Variants in FARP1 observed in about 807,000 individuals in gnomAD.
FARP1 encodes FERM, ARH/RhoGEF and pleckstrin domain protein 1, also known as FERM, ARHGEF and pleckstrin domain-containing protein 1.
A neutral mutation model predicts 128.8 loss-of-function variants in FARP1; 52 were observed. The observed-to-expected ratio is 0.40, with a 90% CI of 0.32 to 0.51. FARP1 has a LOEUF of 0.51. FARP1 is among the 20% of genes least tolerant of loss of function. The probability of loss-of-function intolerance (pLI) is 0.45; values close to 1 mark genes in which losing one functional copy is unlikely to be tolerated. For synonymous variants in FARP1, 580 were observed against 551.8 expected (o/e 1.05, Z -0.72); for missense variants, 1,333 against 1,367.9 (o/e 0.97, Z 0.40).
At chr13:98,393,342 C>T (rs145089100) in intron 11 of FARP1, among the ~76,000 whole-genome samples, 24 of 152,304 alleles carry the variant, frequency 1.6e-4, no homozygotes, top group Non-Finnish European at 3.1e-4. Context: ...TGTGACTTTC[C>T]CCTTAACTAG....
intron 2 of FARP1, among the ~76,000 whole-genome samples, chr13:98,303,964 C>G (rs939031196): frequency 1.3e-5 from 2 of 152,084 alleles, no homozygotes; most frequent in Admixed American, 1.3e-4. Context: ...GTTACTTGAC[C>G]GAAGTGGTGG....
At chr13:98,327,893 A>G (rs768284242) in intron 2 of FARP1, among the ~76,000 whole-genome samples, 1 of 152,070 alleles carries the variant, frequency 6.6e-6, no homozygotes, top group Non-Finnish European at 1.5e-5. Flanking sequence ...ATAAGACAAC[A>G]ATTTATGCTG....
rs767884832 is a variant in FARP1 at position 98,395,397 on chromosome 13, G to A, written c.1335G>A (p.Ser445=). The A allele has an allele frequency of 7.4e-6, 12 of 1,611,514 alleles. No individual in the cohort carries two copies. In the South Asian group the frequency reaches 1.1e-4, roughly 15 times the overall value. ...AGNKQADGAA[S]APTEEEEEVV... ...ACAAGCAGGCGGACGGAGCCGCCTC[G>A]GCGCCCACGGAGGAAGAGGAGGAGG... Residue 445 remains serine (S), a synonymous_variant, in exon 13 of 27, where the codon TCG becomes TCA. Transcript: ENST00000319562.
chr13:98,430,944 A>G (rs562739451), intron 17 of FARP1, 99 bp from the exon 18 acceptor site: 1 of 693,770 alleles, frequency 1.4e-6, no homozygotes, highest in Non-Finnish European at 2.6e-6. Flanking sequence ...CGTGAAATAG[A>G]GAGTGCAGGA....
chr13:98,285,221 T>G (rs1472949523), intron 2 of FARP1, among the ~76,000 whole-genome samples: 1 of 152,198 alleles, frequency 6.6e-6, no homozygotes, highest in East Asian at 1.9e-4. Flanking sequence ...AAATGTAACA[T>G]GTACACATTA....
chr13:98,403,997 T>TCCA (rs922843665), intron 13 of FARP1: 23 of 150,326 alleles, frequency 1.5e-4, no homozygotes, highest in South Asian at 5.5e-4. Flanking sequence ...AAACACTGCC[T>TCCA]CCACCACCAC....
At chr13:98,323,782 A>G (rs1354653409) in intron 2 of FARP1, among the ~76,000 whole-genome samples, 1 of 152,208 alleles carries the variant, frequency 6.6e-6, no homozygotes, top group African/African-American at 2.4e-5. Context: ...ATTCTTGCAT[A>G]CTATTTGCAG....
rs147830483 is a variant in FARP1, at chr13:98,436,410, C to T, written c.2274+704C>T. 4.9e-3 allele frequency among the ~76,000 whole-genome samples: 752 copies of T among 152,296 alleles called. 7 individuals are homozygous for T. Among genetic ancestry groups the T allele is most frequent in the African/African-American group, 0.017 (691 of 41,556 alleles). Reference sequence around the variant, plus strand: ...AATCAAACGTATCATTCAGTTGCTGCGTCTCATCAAATCTCTCTCTGGGAT... The same window carrying T: ...AATCAAACGTATCATTCAGTTGCTGTGTCTCATCAAATCTCTCTCTGGGAT... On this transcript the variant is annotated intron_variant, in intron 19 of 26. Transcript: ENST00000319562.
chr13:98,413,808 G>T (rs1891279106), intron 16 of FARP1, among the ~76,000 whole-genome samples: 1 of 152,204 alleles, frequency 6.6e-6, no homozygotes, highest in Non-Finnish European at 1.5e-5. Flanking sequence ...CAACTCTGGA[G>T]AACCCATTTG....
At chr13:98,414,005 A>G (rs1370168237) in intron 16 of FARP1, among the ~76,000 whole-genome samples, 1 of 152,192 alleles carries the variant, frequency 6.6e-6, no homozygotes, top group Non-Finnish European at 1.5e-5. Flanking sequence ...AAAGCCCTTC[A>G]TGGTGGCTTT....
At chr13:98,212,080 A>C (rs1296961398) in intron 1 of FARP1, among the ~76,000 whole-genome samples, 3 of 152,112 alleles carry the variant, frequency 2.0e-5, no homozygotes, top group African/African-American at 7.2e-5. Flanking sequence ...TTTGAGATGG[A>C]GTTTCACGCT....
At chr13:98,185,993 C>T (rs1220379783) in intron 1 of FARP1, among the ~76,000 whole-genome samples, 2 of 151,746 alleles carry the variant, frequency 1.3e-5, no homozygotes, top group South Asian at 2.1e-4. Flanking sequence ...CCACCGCGTC[C>T]GGCCACATTT....
At chr13:98,367,216 G>C (rs1289871515) in intron 4 of FARP1, among the ~76,000 whole-genome samples, 1 of 152,130 alleles carries the variant, frequency 6.6e-6, no homozygotes, top group Non-Finnish European at 1.5e-5. Context: ...GAGTGCAGTG[G>C]CACGATCTCT....
intron 1 of FARP1, among the ~76,000 whole-genome samples, chr13:98,151,660 C>CTTTTTTT (rs34250002): frequency 0.16 from 10,673 of 68,336 alleles, 3,264 homozygotes; most frequent in Middle Eastern, 0.31. Context: ...TATCTTCCAT[C>CTTTTTTT]TTTTTTTTTT....
chr13:98,196,446 G>C (rs1879574367), intron 1 of FARP1, among the ~76,000 whole-genome samples: 1 of 152,174 alleles, frequency 6.6e-6, no homozygotes, highest in Non-Finnish European at 1.5e-5. Flanking sequence ...CGGTTGTGAG[G>C]ATTAAATGAG....
intron 2 of FARP1, among the ~76,000 whole-genome samples, chr13:98,293,874 C>T (rs1885550350): frequency 6.6e-6 from 1 of 152,138 alleles, no homozygotes; most frequent in African/African-American, 2.4e-5. Flanking sequence ...TTTTTTTGCT[C>T]AGCTCACTAT....
chr13:98,333,798 C>A (rs1209049770), intron 2 of FARP1: 2 of 151,876 alleles, frequency 1.3e-5, no homozygotes, highest in African/African-American at 4.8e-5. Context: ...AGCTACTTTG[C>A]CCCAGAATGA....
intron 16 of FARP1, among the ~76,000 whole-genome samples, chr13:98,420,517 C>T (rs751885994): frequency 2.6e-5 from 4 of 152,136 alleles, no homozygotes; most frequent in Admixed American, 6.5e-5. Context: ...AAATTCATGA[C>T]GTGTGTGGGT....
chr13:98,221,340 A>C (rs1425317171), intron 2 of FARP1, among the ~76,000 whole-genome samples: 1 of 152,178 alleles, frequency 6.6e-6, no homozygotes, highest in Admixed American at 6.5e-5. Context: ...GAATGAAAGC[A>C]CTTAAGAATA....
Sources: gnomAD v4.1 joint callset for allele counts (sites outside exome capture counted in the v4.1 genomes callset) on GRCh38, gnomAD v4.1.1 for gene constraint, MANE v1.5 for transcripts, NCBI Gene and HGNC (gene_info 2026-07-23, HGNC 2026-07-21) for gene names.